Variants in NRXN1 observed in about 807,000 individuals in gnomAD.
The protein encoded by NRXN1 is neurexin 1.
A neutral mutation model predicts 150.9 loss-of-function variants in NRXN1; 39 were observed. The ratio of observed to expected loss-of-function variants is 0.26; its 90% CI spans 0.20 to 0.34. NRXN1 has a LOEUF of 0.34. Among genes scored for constraint, NRXN1 ranks in the 10% least tolerant of loss-of-function variants. The pLI is 1.00. For missense variants in NRXN1, 1,815 were observed against 1,949.9 expected (o/e 0.93, Z 1.30); for synonymous variants, 924 against 757.0 (o/e 1.22, Z -3.62).
chr2:50,293,763 G>A (rs895349695), intron 17 of NRXN1, among the ~76,000 whole-genome samples: 7 of 152,122 alleles, frequency 4.6e-5, no homozygotes, highest in Non-Finnish European at 8.8e-5. Flanking sequence ...ATGCCTTCCT[G>A]GAGGCAGGGG....
At chr2:50,560,044 G>A (rs182981491) in intron 8 of NRXN1, among the ~76,000 whole-genome samples, 1 of 152,284 alleles carries the variant, frequency 6.6e-6, no homozygotes, top group African/African-American at 2.4e-5. Flanking sequence ...CTGCCACCAT[G>A]AGGAGACAAT....
intron 5 of NRXN1, among the ~76,000 whole-genome samples, chr2:50,866,417 T>G (rs1676950953): frequency 6.6e-6 from 1 of 151,966 alleles, no homozygotes; most frequent in African/African-American, 2.4e-5. Flanking sequence ...CTGAAATCAT[T>G]TTCTTGTGAT....
At chr2:50,095,608 T>C (rs1700109197) in intron 18 of NRXN1, among the ~76,000 whole-genome samples, 1 of 152,146 alleles carries the variant, frequency 6.6e-6, no homozygotes, top group Admixed American at 6.5e-5. Flanking sequence ...TAAGTCCCTT[T>C]AACTTAACCT....
At chr2:50,992,133 T>C (rs376222507) in intron 2 of NRXN1, among the ~76,000 whole-genome samples, 8 of 152,116 alleles carry the variant, frequency 5.3e-5, no homozygotes, top group Admixed American at 3.3e-4. Context: ...CCTGGCTGTT[T>C]TCTATTCATA....
At chr2:50,518,393 A>T (rs2092687931) in intron 12 of NRXN1, among the ~76,000 whole-genome samples, 1 of 152,002 alleles carries the variant, frequency 6.6e-6, no homozygotes, top group South Asian at 2.1e-4. Context: ...TATAAAATTG[A>T]GTACTAAATA....
chr2:49,958,516 C>T (rs1675368652), intron 21 of NRXN1, among the ~76,000 whole-genome samples: 3 of 152,146 alleles, frequency 2.0e-5, no homozygotes, highest in Admixed American at 6.6e-5. Flanking sequence ...CACACCTCTG[C>T]AATCCCCGCC....
At chr2:50,433,492 T>G (rs2085152095) in intron 17 of NRXN1, among the ~76,000 whole-genome samples, 1 of 152,170 alleles carries the variant, frequency 6.6e-6, no homozygotes, top group East Asian at 1.9e-4. Context: ...AAACGTTTCT[T>G]CTATATATTT....
intron 5 of NRXN1, among the ~76,000 whole-genome samples, chr2:50,789,051 C>T (rs891687057): frequency 2.0e-5 from 3 of 152,016 alleles, no homozygotes; most frequent in Non-Finnish European, 2.9e-5. Context: ...ATGTAAGGCC[C>T]GTAGGTCCAA....
At chr2:50,535,539 T>G (rs2093234264) in intron 10 of NRXN1, among the ~76,000 whole-genome samples, 1 of 152,220 alleles carries the variant, frequency 6.6e-6, no homozygotes, top group African/African-American at 2.4e-5. Flanking sequence ...GATCTCTGAT[T>G]ATATCAATGC....
At chr2:50,142,103 C>T (rs1010784603) in intron 18 of NRXN1, among the ~76,000 whole-genome samples, 5 of 152,024 alleles carry the variant, frequency 3.3e-5, no homozygotes, top group African/African-American at 4.8e-5. Context: ...TATATGTACA[C>T]AGTGGAATAC....
chr2:50,909,145 T>A (rs993512256), intron 5 of NRXN1, among the ~76,000 whole-genome samples: 3 of 152,066 alleles, frequency 2.0e-5, no homozygotes, highest in South Asian at 2.1e-4. Context: ...ATAAATTCAA[T>A]AACTATCTTA....
At chr2:50,041,023 T>C (rs1372539641) in intron 21 of NRXN1, among the ~76,000 whole-genome samples, 1 of 152,148 alleles carries the variant, frequency 6.6e-6, no homozygotes, top group Non-Finnish European at 1.5e-5. Context: ...CCCTCCTGTA[T>C]TGATAGGACG....
In NRXN1 at chr2:51,027,951, G is replaced by C; in HGVS notation, c.323C>G (p.Pro108Arg). 6.2e-7 allele frequency: 1 copy of C among 1,603,196 alleles called. No homozygotes were observed. Among genetic ancestry groups the C allele is most frequent in the Non-Finnish European group, 8.5e-7 (1 of 1,179,554 alleles). ...GCTGTGCCAGGCGCCGTCGTTAACC[G>C]GCGTGTCGGCCAGGAGCGTCGCAGG... is the stretch of plus-strand genomic sequence containing the variant. ...AEPATLLADT[P>R]VNDGAWHSVR... Residue 108 changes from proline to arginine, a missense_variant, in exon 2 of 23, where the codon CCG becomes CGG. Coordinates refer to ENST00000401669, the MANE Select transcript of NRXN1 (RefSeq NM_001330078.2).
At chr2:50,931,407 G>C (rs1198570874) in intron 2 of NRXN1, among the ~76,000 whole-genome samples, 1 of 152,000 alleles carries the variant, frequency 6.6e-6, no homozygotes. Flanking sequence ...GTAAAAAGGA[G>C]TCTTAAGTTT....
Position 50,471,225 on chromosome 2 carries a change from T to C in NRXN1, c.3244+1073A>G, listed in dbSNP as rs982080993. Among the ~76,000 whole-genome samples the C allele has an allele frequency of 4.0e-5, 6 of 151,846 alleles. No individual in the cohort carries two copies. The East Asian group carries it at 5.8e-4, about 15-fold the overall frequency. The stretch of plus-strand genomic sequence containing the variant: ...CTCAAGTCTTGTACGTTGTACCCAA[T>C]AGGTGTTTTTTCATCATTCAATCCC... On this transcript the variant is annotated intron_variant, in intron 16 of 22. Transcript: ENST00000401669.
In NRXN1 at chr2:50,447,529, G is replaced by A. The variant is rs562143394; in HGVS notation, c.3364+17913C>T. Among the ~76,000 whole-genome samples the A allele has an allele frequency of 3.3e-4, 46 of 138,272 alleles. No individual in the cohort carries two copies. In the South Asian group the frequency reaches 6.1e-3, roughly 18 times the overall value. The allele number at this position is 138,272 out of a possible 152,430, so 90.7% of individuals were successfully genotyped here. On this transcript the variant is annotated intron_variant, in intron 17 of 22. Transcript: ENST00000401669. ...AAGGAATTCTGTCCCAGAAAAGGTC[G>A]ATCTGAAATCAAATTCATATATATA...
chr2:50,616,063 A>G (rs1369295799), intron 8 of NRXN1: 1 of 152,134 alleles, frequency 6.6e-6, no homozygotes, highest in Non-Finnish European at 1.5e-5. Context: ...ATGGCAATTT[A>G]TTATTTATAA....
intron 17 of NRXN1, among the ~76,000 whole-genome samples, chr2:50,452,684 A>G (rs1425801379): frequency 2.0e-5 from 3 of 152,212 alleles, no homozygotes; most frequent in African/African-American, 7.2e-5. Context: ...TAGGCAACGA[A>G]AAAGAATGTC....
Position 50,860,257 on chromosome 2 carries a change from AG to A in NRXN1, c.832+61611del, listed in dbSNP as rs563728896. On this transcript the variant is annotated intron_variant, in intron 5 of 22. Coordinates refer to ENST00000401669, the MANE Select transcript of NRXN1 (RefSeq NM_001330078.2). ...CTGACATAAACAAGATAACAACATC[AG>A]AAAAAAAAAAAATTGTGAGGTATGT... 4.6e-3 allele frequency among the ~76,000 whole-genome samples: 697 copies of A among 150,620 alleles called. 1 individual carries two copies. Among genetic ancestry groups the A allele is most frequent in the Non-Finnish European group, 7.0e-3 (475 of 67,512 alleles).
Sources: gnomAD v4.1 joint callset for allele counts (sites outside exome capture counted in the v4.1 genomes callset) on GRCh38, gnomAD v4.1.1 for gene constraint, MANE v1.5 for transcripts, NCBI Gene and HGNC (gene_info 2026-07-23, HGNC 2026-07-21) for gene names.